The following ARHGAP44 variants were observed in gnomAD, a reference collection of about 807,000 sequenced individuals.
The protein encoded by ARHGAP44 is Rho GTPase activating protein 44.
A neutral mutation model predicts 106.8 loss-of-function variants in ARHGAP44; 43 were observed. The observed-to-expected ratio is 0.40, with a 90% CI of 0.32 to 0.52. The LOEUF (loss-of-function observed/expected upper bound fraction) is 0.52, where lower values mean the gene tolerates loss of function less well. Ranked by LOEUF, ARHGAP44 falls within the 20% of genes least tolerant of loss-of-function variation. The pLI is 0.48. For synonymous variants in ARHGAP44, 439 were observed against 410.3 expected (o/e 1.07, Z -0.85); for missense variants, 866 against 1,050.5 (o/e 0.82, Z 2.43).
At chr17:12,965,064 C>T (rs1257314636) in intron 16 of ARHGAP44, among the ~76,000 whole-genome samples, 1 of 152,086 alleles carries the variant, frequency 6.6e-6, no homozygotes, top group Non-Finnish European at 1.5e-5. Flanking sequence ...GTTCTGTTGC[C>T]CCTGCTTAGT....
chr17:12,876,466 C>A (rs545459069), intron 1 of ARHGAP44, among the ~76,000 whole-genome samples: 6 of 152,098 alleles, frequency 3.9e-5, no homozygotes, highest in Non-Finnish European at 8.8e-5. Context: ...ACAAATCCTG[C>A]GTACACATTA....
At chr17:12,869,248 G>A (rs1279212786) in intron 1 of ARHGAP44, among the ~76,000 whole-genome samples, 6 of 152,056 alleles carry the variant, frequency 3.9e-5, no homozygotes, top group African/African-American at 1.4e-4. Context: ...ATTTTAGGAC[G>A]AAGGAAAAGG....
chr17:12,907,786 C>T (rs2037598808), intron 3 of ARHGAP44, among the ~76,000 whole-genome samples: 1 of 152,094 alleles, frequency 6.6e-6, no homozygotes, highest in Non-Finnish European at 1.5e-5. Context: ...CATTTGTGTA[C>T]CTCTTTTTTG....
At chr17:12,802,393 TC>T (rs1186362840) in intron 1 of ARHGAP44, among the ~76,000 whole-genome samples, 1 of 152,160 alleles carries the variant, frequency 6.6e-6, no homozygotes, top group Non-Finnish European at 1.5e-5. Context: ...GACAGTGTCG[TC>T]AGAGGCCACT....
At chr17:12,841,440 A>G (rs931330898) in intron 1 of ARHGAP44, among the ~76,000 whole-genome samples, 7 of 151,956 alleles carry the variant, frequency 4.6e-5, no homozygotes, top group African/African-American at 1.7e-4. Context: ...CTCTACAAAA[A>G]TTAGGTGTGG....
intron 7 of ARHGAP44, among the ~76,000 whole-genome samples, chr17:12,940,661 C>A (rs1055848992): frequency 7.9e-5 from 12 of 152,114 alleles, no homozygotes; most frequent in African/African-American, 2.9e-4. Flanking sequence ...GGAAGCAGAC[C>A]AGTGGAATGA....
In ARHGAP44 at chr17:12,974,248, C is replaced by T. The variant is rs1598147038; in HGVS notation, c.1701C>T (p.Ser567=). 6 of 1,519,108 alleles carry T rather than the reference C, an allele frequency of 3.9e-6. No individual in the cohort carries two copies. The allele number at this position is 1,519,108 out of a possible 1,614,324, so 94.1% of individuals were successfully genotyped here. ...CGCTGCCGGAGCAGCCCCTGGACAGCCCCGCGGCCCCCGCGCTCTCTCCAT... is the reference window on the plus strand; with the variant it reads ...CGCTGCCGGAGCAGCCCCTGGACAGTCCCGCGGCCCCCGCGCTCTCTCCAT... ...PSPLPEQPLD[S]PAAPALSPSG... The change falls in exon 18 of 21, where the codon AGC becomes AGT. Residue 567 remains serine, a synonymous_variant. Transcript: ENST00000379672.
chr17:12,944,984 G>C (rs1332942079), intron 10 of ARHGAP44, among the ~76,000 whole-genome samples: 1 of 151,836 alleles, frequency 6.6e-6, no homozygotes, highest in Non-Finnish European at 1.5e-5. Flanking sequence ...CTTTTTAAGA[G>C]CCACATGTAA....
At chr17:12,951,710 C>T (rs1451667456) in intron 12 of ARHGAP44, among the ~76,000 whole-genome samples, 1 of 152,196 alleles carries the variant, frequency 6.6e-6, no homozygotes, top group East Asian at 1.9e-4. Flanking sequence ...GGATGACATG[C>T]ATGTAGTACC....
intron 1 of ARHGAP44, among the ~76,000 whole-genome samples, chr17:12,838,784 G>C (rs949355884): frequency 2.0e-5 from 3 of 152,078 alleles, no homozygotes; most frequent in African/African-American, 7.2e-5. Flanking sequence ...CGATTCTCCT[G>C]CCTCAGTCTT....
chr17:12,801,179 CAT>C (rs2034082991), intron 1 of ARHGAP44, among the ~76,000 whole-genome samples: 1 of 152,224 alleles, frequency 6.6e-6, no homozygotes, highest in Non-Finnish European at 1.5e-5. Context: ...GACCTGAAAA[CAT>C]AGAGTCTGAG....
chr17:12,906,185 T>G (rs995587953), intron 3 of ARHGAP44, among the ~76,000 whole-genome samples: 1 of 152,198 alleles, frequency 6.6e-6, no homozygotes, highest in African/African-American at 2.4e-5. Context: ...ACTGGAATAT[T>G]ATGCCTGCTT....
intron 1 of ARHGAP44, among the ~76,000 whole-genome samples, chr17:12,869,514 G>A (rs981719423): frequency 1.3e-5 from 2 of 151,904 alleles, no homozygotes; most frequent in African/African-American, 4.8e-5. Context: ...CAGGTATACA[G>A]TTCAGTGGTG....
At chr17:12,986,996 G>C (rs528992269) in intron 20 of ARHGAP44, 1 of 1,099,884 alleles carries the variant, frequency 9.1e-7, no homozygotes, top group African/African-American at 1.6e-5. Flanking sequence ...GATGTGGCCC[G>C]TCTGGGACTG....
intron 4 of ARHGAP44, among the ~76,000 whole-genome samples, chr17:12,913,676 G>A (rs1179420273): frequency 1.4e-5 from 2 of 146,774 alleles, no homozygotes; most frequent in Non-Finnish European, 3.0e-5. Flanking sequence ...CACTTTGGGA[G>A]GCCGAGGCAG....
At chr17:12,884,363 G>T (rs986256586) in intron 1 of ARHGAP44, among the ~76,000 whole-genome samples, 7 of 151,850 alleles carry the variant, frequency 4.6e-5, no homozygotes, top group Non-Finnish European at 1.0e-4. Context: ...CTGTTACTTT[G>T]GAAGATATAT....
intron 12 of ARHGAP44, among the ~76,000 whole-genome samples, chr17:12,951,446 G>A (rs184823716): frequency 5.3e-5 from 8 of 152,306 alleles, no homozygotes; most frequent in Non-Finnish European, 8.8e-5. Context: ...TGGTCCTAGG[G>A]ATGAAGCCAA....
At chr17:12,912,326 T>G (rs1350763131) in intron 4 of ARHGAP44, among the ~76,000 whole-genome samples, 1 of 148,042 alleles carries the variant, frequency 6.8e-6, no homozygotes, top group Non-Finnish European at 1.5e-5. Flanking sequence ...CTCAGGAGGT[T>G]GGGAAGATAA....
At position 12,795,365 on chromosome 17, in the gene ARHGAP44, C is replaced by T. The variant is rs543635453; in HGVS notation, c.53+5474C>T. Among the ~76,000 whole-genome samples the T allele has an allele frequency of 8.2e-4, 125 of 152,300 alleles. 2 individuals carry two copies. Among genetic ancestry groups the T allele is most frequent in the African/African-American group, 3.0e-3 (123 of 41,564 alleles). ...ACTGTGTGGGTCTGCTGGGTTTCAC[C>T]TTCTGCTGAGCTGCTGTCAGCAGTC... On this transcript the variant is annotated intron_variant, in intron 1 of 20. Transcript: ENST00000379672.
Sources: allele counts gnomAD v4.1 joint callset (sites outside exome capture counted in the v4.1 genomes callset), GRCh38; gene constraint gnomAD v4.1.1; transcripts MANE v1.5; gene names NCBI Gene and HGNC (gene_info 2026-07-23, HGNC 2026-07-21).